Variants in PDE6D observed in about 807,000 individuals in gnomAD.
PDE6D encodes the protein retinal rod rhodopsin-sensitive cGMP 3',5'-cyclic phosphodiesterase subunit delta.
Under a neutral mutation model 21.9 loss-of-function variants are expected in PDE6D, and 10 were observed. That is an observed-to-expected ratio of 0.46 (90% confidence interval 0.28 to 0.78). The LOEUF (loss-of-function observed/expected upper bound fraction) is 0.78. Among genes scored for constraint, PDE6D ranks in the 30% least tolerant of loss-of-function variants. The pLI is 0.12. For missense variants in PDE6D, 139 were observed against 184.8 expected (o/e 0.75, Z 1.44); for synonymous variants, 59 against 63.5 (o/e 0.93, Z 0.34).
chr2:231,759,468 G>C (rs778335563), intron 1 of PDE6D, among the ~76,000 whole-genome samples: 22 of 152,248 alleles, frequency 1.4e-4, no homozygotes, highest in Non-Finnish European at 2.4e-4. Context: ...ACAAAGGAAG[G>C]CAAGCAAGCA....
intron 1 of PDE6D, among the ~76,000 whole-genome samples, chr2:231,751,682 T>A (rs1280570610): frequency 6.6e-6 from 1 of 152,204 alleles, no homozygotes; most frequent in Non-Finnish European, 1.5e-5. Context: ...TGGTATTTAA[T>A]GTTTTTCTTA....
At chr2:231,741,419 A>G (rs565695718) in intron 1 of PDE6D, among the ~76,000 whole-genome samples, 2 of 152,294 alleles carry the variant, frequency 1.3e-5, no homozygotes, top group Admixed American at 1.3e-4. Flanking sequence ...AAAATGACAG[A>G]GAAAACCAAG....
At chr2:231,751,252 G>C (rs778793393) in intron 1 of PDE6D, among the ~76,000 whole-genome samples, 1 of 152,102 alleles carries the variant, frequency 6.6e-6, no homozygotes, top group East Asian at 1.9e-4. Flanking sequence ...GAGCTTCCAG[G>C]CTCAATTGAT....
At chr2:231,768,030 G>A (rs906371587) in intron 1 of PDE6D, among the ~76,000 whole-genome samples, 7 of 151,804 alleles carry the variant, frequency 4.6e-5, no homozygotes, top group Admixed American at 4.6e-4. Flanking sequence ...ATTTTTGGTA[G>A]AGGCAGGGTT....
chr2:231,759,873 A>C (rs1250927672), intron 1 of PDE6D, among the ~76,000 whole-genome samples: 1 of 152,330 alleles, frequency 6.6e-6, no homozygotes, highest in South Asian at 2.1e-4. Flanking sequence ...GGGAATTTCT[A>C]AACTTCCAGG....
chr2:231,753,414 G>A (rs1384502236), intron 1 of PDE6D, among the ~76,000 whole-genome samples: 1 of 151,824 alleles, frequency 6.6e-6, no homozygotes, highest in Non-Finnish European at 1.5e-5. Flanking sequence ...AGCTGGGCGT[G>A]GCGGCACGCG....
intron 1 of PDE6D, among the ~76,000 whole-genome samples, chr2:231,746,063 G>C (rs1226058126): frequency 6.6e-6 from 1 of 152,192 alleles, no homozygotes; most frequent in East Asian, 1.9e-4. Flanking sequence ...ACACAAATTT[G>C]TAAACTTTCT....
chr2:231,745,894 G>A (rs997839770), intron 1 of PDE6D, among the ~76,000 whole-genome samples: 2 of 152,048 alleles, frequency 1.3e-5, no homozygotes, highest in African/African-American at 4.8e-5. Flanking sequence ...GAGGTGGGTG[G>A]TAGAATGGGA....
At chr2:231,769,009 C>T (rs1327475821) in intron 1 of PDE6D, among the ~76,000 whole-genome samples, 1 of 152,126 alleles carries the variant, frequency 6.6e-6, no homozygotes, top group African/African-American at 2.4e-5. Context: ...GCTGGGATTA[C>T]AGGCACACGC....
In PDE6D at chr2:231,745,439, G is replaced by A. The variant is rs116779159; in HGVS notation, c.51-6251C>T. ...GATTAGGTGGACAGGCTTTAAAGGA[G>A]GGGCTGGAGTACTATTTATAAGTTC... On this transcript the variant is annotated intron_variant, in intron 1 of 4. Coordinates refer to ENST00000287600, the MANE Select transcript of PDE6D (RefSeq NM_002601.4). Among the ~76,000 whole-genome samples the A allele has an allele frequency of 8.7e-3, 1,323 of 152,274 alleles. 14 individuals carry two copies. Among genetic ancestry groups the A allele is most frequent in the Admixed American group, 0.015 (231 of 15,302 alleles).
chr2:231,780,935 C>T (rs1383773875), intron 1 of PDE6D, 130 bp downstream of exon 1: 2 of 834,574 alleles, frequency 2.4e-6, no homozygotes, highest in Non-Finnish European at 3.9e-6. Context: ...CACGCTGTTC[C>T]TTTCCTCTCC....
chr2:231,741,956 A>C (rs1484112396), intron 1 of PDE6D, among the ~76,000 whole-genome samples: 1 of 152,236 alleles, frequency 6.6e-6, no homozygotes, highest in Non-Finnish European at 1.5e-5. Context: ...AAGTGGATAA[A>C]TAATGCTAAA....
rs569017623 is a variant in PDE6D, at chr2:231,738,012, C to G, written c.265+1G>C. The G allele has an allele frequency of 6.2e-7, 1 of 1,613,312 alleles. No individual in the cohort carries two copies. Among genetic ancestry groups the G allele is most frequent in the African/African-American group, 1.3e-5 (1 of 75,014 alleles). On this transcript the variant is annotated splice_donor_variant, in intron 3 of 4. Coordinates refer to ENST00000287600, the MANE Select transcript of PDE6D (RefSeq NM_002601.4). LOFTEE classifies it high-confidence loss of function. ...TTTCAGGCATGTAGGCAGCAGAATA[C>G]CTTCTAGGCATTGCCCTTTGAAGTA...
chr2:231,758,187 G>C (rs2048898263), intron 1 of PDE6D, among the ~76,000 whole-genome samples: 1 of 152,186 alleles, frequency 6.6e-6, no homozygotes, highest in African/African-American at 2.4e-5. Flanking sequence ...CAGATAGGTA[G>C]ATAGATAGTG....
intron 1 of PDE6D, among the ~76,000 whole-genome samples, chr2:231,767,368 T>A (rs1001794633): frequency 1.6e-4 from 25 of 151,748 alleles, no homozygotes; most frequent in Admixed American, 7.9e-4. Flanking sequence ...AAGGCTGGAG[T>A]GCAGTGGTGC....
chr2:231,748,647 G>T (rs912183019), intron 1 of PDE6D, among the ~76,000 whole-genome samples: 4 of 152,224 alleles, frequency 2.6e-5, no homozygotes, highest in Non-Finnish European at 4.4e-5. Context: ...GGCCACATCA[G>T]AGAACTTCCC....
At chr2:231,733,701 C>A in intron 4 of PDE6D, among the ~76,000 whole-genome samples, 1 of 152,170 alleles carries the variant, frequency 6.6e-6, no homozygotes, top group East Asian at 1.9e-4. Context: ...CCGCCCAGCT[C>A]TCCCCCTTAG....
intron 1 of PDE6D, among the ~76,000 whole-genome samples, chr2:231,753,586 C>T (rs922342051): frequency 6.6e-6 from 1 of 150,644 alleles, no homozygotes; most frequent in Admixed American, 6.6e-5. Flanking sequence ...AATAAATAAA[C>T]AAACAAATAA....
rs2048661077 is a variant in PDE6D, at chr2:231,732,648, TAC to T, written c.*302_*303del. On this transcript the variant is annotated 3_prime_UTR_variant, in exon 5 of 5. Coordinates refer to ENST00000287600, the MANE Select transcript of PDE6D (RefSeq NM_002601.4). Reference sequence around the variant, plus strand: ...AGGAGGAGACAAGGAGGGTGACAGGTACAGTTACCGGTTTGTGGTATGTGTTT... The same window carrying T: ...AGGAGGAGACAAGGAGGGTGACAGGTAGTTACCGGTTTGTGGTATGTGTTT... 1 of 226,116 alleles carries T rather than the reference TAC, an allele frequency of 4.4e-6. No homozygotes were observed. The highest frequency in any genetic ancestry group is 8.6e-6 in the Non-Finnish European group (1 of 115,868). 14.0% of individuals were successfully genotyped at this position (226,116 alleles called of 1,614,324 possible).
Sources: allele counts gnomAD v4.1 joint callset (sites outside exome capture counted in the v4.1 genomes callset), GRCh38; gene constraint gnomAD v4.1.1; transcripts MANE v1.5; gene names NCBI Gene and HGNC (gene_info 2026-07-23, HGNC 2026-07-21).